The following CDC40 variants were observed in gnomAD, a reference collection of about 807,000 sequenced individuals.
CDC40 encodes pre-mRNA-processing factor 17.
Under a neutral mutation model 80.6 loss-of-function variants are expected in CDC40, and 27 were observed. That is an observed-to-expected ratio of 0.33 (90% CI 0.25 to 0.46). The LOEUF is 0.46. CDC40 is among the 20% of genes least tolerant of loss of function. The probability of loss-of-function intolerance (pLI) is 1.00; values close to 1 mark genes in which losing one functional copy is unlikely to be tolerated. For missense variants in CDC40, 486 were observed against 694.1 expected (o/e 0.70, Z 3.37); for synonymous variants, 221 against 232.6 (o/e 0.95, Z 0.45).
chr6:110,213,130 G>A lies in CDC40; in HGVS notation c.912G>A (p.Leu304=), dbSNP rs374775126. 2.5e-6 allele frequency: 4 copies of A among 1,611,484 alleles called. No homozygotes were observed. The African/African-American group carries it at 5.3e-5, about 22-fold the overall frequency. Residue 304 remains leucine, a synonymous_variant, in exon 8 of 15, where the codon TTG becomes TTA. Transcript: ENST00000307731. The part of the protein sequence containing the change: ...VRLFPLSGHL[L]LSCSMDCKIK... Reference sequence around the variant, plus strand: ...TGTTTCCTCTCTCTGGCCATTTATTGCTGTCTTGTTCCATGGACTGTAAAA... The same window carrying A: ...TGTTTCCTCTCTCTGGCCATTTATTACTGTCTTGTTCCATGGACTGTAAAA...
intron 12 of CDC40, among the ~76,000 whole-genome samples, chr6:110,220,662 G>A (rs543349949): frequency 2.4e-4 from 36 of 152,160 alleles, no homozygotes; most frequent in South Asian, 1.2e-3. Flanking sequence ...AGCCAGGATG[G>A]TCTCGATTTC....
chr6:110,197,815 CT>C lies in CDC40; in HGVS notation c.277-3740del, dbSNP rs1777438218. On this transcript the variant is annotated intron_variant, in intron 2 of 14. Coordinates refer to ENST00000307731, the MANE Select transcript of CDC40 (RefSeq NM_015891.3). ...CCGTTGTGCAGACATACCACATTTT[CT>C]TTATGCATTCAAACATTGACAGCCA... is the stretch of plus-strand genomic sequence containing the variant. Among the ~76,000 whole-genome samples, 3 of 152,300 alleles carry C rather than the reference CT, an allele frequency of 2.0e-5. No individual in the cohort carries two copies. In the South Asian group the frequency reaches 6.2e-4, roughly 32 times the overall value.
chr6:110,213,476 G>A (rs1320910198), intron 8 of CDC40, among the ~76,000 whole-genome samples: 4 of 149,302 alleles, frequency 2.7e-5, no homozygotes, highest in Admixed American at 2.7e-4. Context: ...TGCAAGCTTC[G>A]CCTCCCGGGT....
chr6:110,214,014 C>G (rs1281568207), intron 8 of CDC40, among the ~76,000 whole-genome samples: 1 of 152,088 alleles, frequency 6.6e-6, no homozygotes, highest in Non-Finnish European at 1.5e-5. Flanking sequence ...CCCTATAGTG[C>G]TCTTGGGGCT....
chr6:110,212,074 T>G, intron 6 of CDC40, 59 bp from the exon 7 acceptor site: 1 of 1,416,152 alleles, frequency 7.1e-7, no homozygotes, highest in Non-Finnish European at 9.9e-7. Flanking sequence ...TTAAGAATGT[T>G]AGGTTTCATG....
At chr6:110,181,434 C>G (rs1777189435) in intron 1 of CDC40, among the ~76,000 whole-genome samples, 1 of 151,902 alleles carries the variant, frequency 6.6e-6, no homozygotes, top group South Asian at 2.1e-4. Flanking sequence ...CAGTAGAGCC[C>G]GAGGTAGGTG....
intron 1 of CDC40, among the ~76,000 whole-genome samples, chr6:110,183,675 G>A (rs1294692778): frequency 6.6e-6 from 1 of 152,236 alleles, no homozygotes; most frequent in Non-Finnish European, 1.5e-5. Flanking sequence ...GACCAAGGGA[G>A]ATGTGAAGCA....
intron 2 of CDC40, among the ~76,000 whole-genome samples, chr6:110,197,377 A>C (rs1284963256): frequency 6.6e-6 from 1 of 152,206 alleles, no homozygotes; most frequent in East Asian, 1.9e-4. Flanking sequence ...TACATTGTAG[A>C]ATGGCTAAAT....
intron 2 of CDC40, among the ~76,000 whole-genome samples, chr6:110,197,674 A>T (rs1440553018): frequency 7.4e-6 from 1 of 134,550 alleles, no homozygotes; most frequent in African/African-American, 2.8e-5. Context: ...CACATGTGGG[A>T]TCATGTGATA....
chr6:110,185,416 G>C (rs1196931371), intron 1 of CDC40, among the ~76,000 whole-genome samples: 1 of 151,088 alleles, frequency 6.6e-6, no homozygotes, highest in Non-Finnish European at 1.5e-5. Context: ...CTAATTTTTT[G>C]TATTTTTAGT....
At chr6:110,199,517 C>G (rs1777464305) in intron 2 of CDC40, among the ~76,000 whole-genome samples, 2 of 151,460 alleles carry the variant, frequency 1.3e-5, no homozygotes, top group African/African-American at 4.8e-5. Flanking sequence ...TGGTGTGAAC[C>G]CGGGAGGCAG....
Position 110,209,194 on chromosome 6 carries a change from G to C in CDC40, c.601G>C (p.Asp201His). The C allele has an allele frequency of 6.2e-7, 1 of 1,612,954 alleles. No individual in the cohort carries two copies. Among genetic ancestry groups the C allele is most frequent in the South Asian group, 1.1e-5 (1 of 91,056 alleles). ...TTTGGGACCATGGGCAAAATATGTG[G>C]ATGAAAAAGATGTAGCCAAACCTTC... ...GFLGPWAKYV[D>H]EKDVAKPSEE... Residue 201 changes from aspartate to histidine, a missense_variant, in exon 5 of 15, where the codon GAT becomes CAT. Coordinates refer to ENST00000307731, the MANE Select transcript of CDC40 (RefSeq NM_015891.3).
At chr6:110,207,314 C>CAAAA (rs869177206) in intron 3 of CDC40, among the ~76,000 whole-genome samples, 192 bp from the exon 4 acceptor site, 2 of 52,488 alleles carry the variant, frequency 3.8e-5, no homozygotes, top group Non-Finnish European at 4.4e-5. Context: ...GACCCTATCT[C>CAAAA]AAAAAAAAAA....
At chr6:110,221,109 C>A (rs977489410) in intron 12 of CDC40, among the ~76,000 whole-genome samples, 6 of 152,152 alleles carry the variant, frequency 3.9e-5, no homozygotes, top group African/African-American at 1.4e-4. Context: ...CATTACATAT[C>A]ATAGTGTGTT....
chr6:110,214,403 G>A (rs1777674305), intron 8 of CDC40, among the ~76,000 whole-genome samples: 1 of 152,174 alleles, frequency 6.6e-6, no homozygotes, highest in Non-Finnish European at 1.5e-5. Context: ...CACAAGATAT[G>A]CTGGTTTCAA....
rs1226971909 is a variant in CDC40, at chr6:110,212,110, TTTTC to T, written c.728-19_728-16del. On this transcript the variant is annotated intron_variant, in intron 6 of 14. Coordinates refer to ENST00000307731, the MANE Select transcript of CDC40 (RefSeq NM_015891.3). The stretch of plus-strand genomic sequence containing the variant: ...ACTATGGGTTGTATTTGTTTATTGA[TTTTC>T]TTTGCCTTTTTGTTTCAGTTAAAGA... 6.2e-7 allele frequency: 1 copy of T among 1,601,258 alleles called. No homozygotes were observed. The highest frequency in any genetic ancestry group is 8.5e-7 in the Non-Finnish European group (1 of 1,170,206).
intron 9 of CDC40, 33 bp from the exon 10 acceptor site, chr6:110,217,669 C>A (rs374331897): frequency 5.3e-5 from 49 of 923,108 alleles, no homozygotes; most frequent in Admixed American, 3.6e-4. Flanking sequence ...TGATACTTCA[C>A]CTCATTGCTG....
At chr6:110,183,344 A>C (rs1216238091) in intron 1 of CDC40, among the ~76,000 whole-genome samples, 1 of 152,246 alleles carries the variant, frequency 6.6e-6, no homozygotes, top group Non-Finnish European at 1.5e-5. Context: ...GGAATGAAAA[A>C]GAAAGTCTTG....
chr6:110,196,943 T>TTA (rs766551158), intron 2 of CDC40, among the ~76,000 whole-genome samples: 1 of 152,192 alleles, frequency 6.6e-6, no homozygotes, highest in Non-Finnish European at 1.5e-5. Context: ...TAGTATACTA[T>TTA]TATATGTTCA....
Sources: allele counts gnomAD v4.1 joint callset (sites outside exome capture counted in the v4.1 genomes callset), GRCh38; gene constraint gnomAD v4.1.1; transcripts MANE v1.5; gene names NCBI Gene and HGNC (gene_info 2026-07-23, HGNC 2026-07-21).